The following FNIP2 variants were observed in gnomAD, a reference collection of about 807,000 sequenced individuals.
FNIP2 encodes the protein folliculin-interacting protein 2.
In FNIP2, 32 loss-of-function variants were observed where a neutral mutation model predicts 108.7. The observed-to-expected ratio is 0.29, with a 90% CI of 0.22 to 0.40. The LOEUF (loss-of-function observed/expected upper bound fraction) is 0.40, where lower values mean the gene tolerates loss of function less well. Among genes scored for constraint, FNIP2 ranks in the 10% least tolerant of loss-of-function variants. The pLI, the probability that FNIP2 is intolerant of heterozygous loss-of-function variation, is 1.00. For synonymous variants in FNIP2, 480 were observed against 496.7 expected, an observed-to-expected ratio of 0.97 and a Z score of 0.45; for missense variants, 1,202 against 1,381.6, an observed-to-expected ratio of 0.87 and a Z score of 2.06.
At chr4:158,777,347 G>A (rs1479226628) in intron 1 of FNIP2, among the ~76,000 whole-genome samples, 1 of 152,142 alleles carries the variant, frequency 6.6e-6, no homozygotes, top group Admixed American at 6.5e-5. Flanking sequence ...TGAACCCTGC[G>A]AAGACTATAT....
chr4:158,806,554 T>C, intron 1 of FNIP2: 1 of 537,444 alleles, frequency 1.9e-6, no homozygotes, highest in South Asian at 2.0e-5. Context: ...AGAAATGGGG[T>C]TATTGGTGGA....
chr4:158,861,719 C>G lies in FNIP2; in HGVS notation c.1408C>G (p.Gln470Glu), dbSNP rs1325246010. 2 of 1,614,050 alleles carry G rather than the reference C, an allele frequency of 1.2e-6. No individual in the cohort carries two copies. The highest frequency in any genetic ancestry group is 1.7e-6 in the Non-Finnish European group (2 of 1,179,906). Reference protein sequence around the residue: ...IKAFSEKRTSQSVNMLAKTHP... With the variant: ...IKAFSEKRTSESVNMLAKTHP... The stretch of plus-strand genomic sequence containing the variant: ...AGCCTTCTCAGAGAAACGTACCTCC[C>G]AGTCAGTGAACATGCTGGCCAAAAC... Residue 470 changes from glutamine to glutamate, a missense_variant, in exon 12 of 17, where the codon CAG becomes GAG. Gln to Glu is a conservative substitution (Grantham distance 29). Around this residue, in one of 5 missense-constraint regions of FNIP2, gnomAD observed 878 missense variants for 990.3 expected, o/e 0.89. Transcript: ENST00000264433.
At chr4:158,780,208 A>AG (rs1437201543) in intron 1 of FNIP2, among the ~76,000 whole-genome samples, 2 of 151,720 alleles carry the variant, frequency 1.3e-5, no homozygotes, top group Non-Finnish European at 2.9e-5. Context: ...ACCCTGTCTC[A>AG]GAAAAAAAAA....
At chr4:158,770,626 A>T (rs1432032938) in intron 1 of FNIP2, among the ~76,000 whole-genome samples, 1 of 152,114 alleles carries the variant, frequency 6.6e-6, no homozygotes, top group African/African-American at 2.4e-5. Flanking sequence ...TTAAATTCTC[A>T]TGTTTTCTTT....
intron 14 of FNIP2, among the ~76,000 whole-genome samples, chr4:158,879,181 G>A (rs576016910): frequency 6.7e-6 from 1 of 149,484 alleles, no homozygotes; most frequent in East Asian, 1.9e-4. Flanking sequence ...TGACTCCCAA[G>A]TAGGGAGAAT....
Position 158,785,395 on chromosome 4 carries a change from TA to T in FNIP2, c.107+16080del, listed in dbSNP as rs1276171433. Reference sequence around the variant, plus strand: ...CACCGCGCCTGGCCCCTCTCTTTTTTAAAACATAAATTTGTCTCCAAATTTG... The same window carrying T: ...CACCGCGCCTGGCCCCTCTCTTTTTTAAACATAAATTTGTCTCCAAATTTG... On this transcript the variant is annotated intron_variant, in intron 1 of 16. Coordinates refer to ENST00000264433, the MANE Select transcript of FNIP2 (RefSeq NM_020840.3). Among the ~76,000 whole-genome samples the T allele has an allele frequency of 2.0e-5, 3 of 152,290 alleles. No homozygotes were observed. In the East Asian group the frequency reaches 5.8e-4, roughly 29 times the overall value.
In FNIP2 at chr4:158,868,954, A is replaced by G; in HGVS notation, c.2318A>G (p.Gln773Arg). 1 of 1,613,914 alleles carries G rather than the reference A, an allele frequency of 6.2e-7. No individual in the cohort carries two copies. The highest frequency in any genetic ancestry group is 1.7e-5 in the Admixed American group (1 of 60,018). ...AGGAGCCCTTTTAAACCTGGCTTTCAGGAGAATGTTTGCTGTCCTCAGAAT... is the reference window on the plus strand; with the variant it reads ...AGGAGCCCTTTTAAACCTGGCTTTCGGGAGAATGTTTGCTGTCCTCAGAAT... Reference protein sequence around the residue: ...VSRSPFKPGFQENVCCPQNRL... With the variant: ...VSRSPFKPGFRENVCCPQNRL... Residue 773 changes from glutamine to arginine, a missense_variant, in exon 13 of 17, where the codon CAG becomes CGG. Physicochemically the swap from Gln to Arg is conservative, Grantham distance 43. This residue lies in a region of FNIP2 where 878 missense variants were observed against 990.3 expected (regional missense o/e 0.89). Transcript: ENST00000264433. This position sits in a 1 kb window ranked among gnomAD's most constrained non-coding sequence, Gnocchi z 4.6.
At chr4:158,846,932 C>A (rs1483827093) in intron 7 of FNIP2, among the ~76,000 whole-genome samples, 1 of 152,190 alleles carries the variant, frequency 6.6e-6, no homozygotes, top group African/African-American at 2.4e-5. Flanking sequence ...CCACCCCTCC[C>A]CAATCCCCTG....
intron 1 of FNIP2, among the ~76,000 whole-genome samples, chr4:158,770,181 A>AC (rs11435067): frequency 0.55 from 83,800 of 151,946 alleles, 24,078 homozygotes; most frequent in East Asian, 0.89. Context: ...AAGCAGTTTG[A>AC]CCACAGATTC....
chr4:158,817,589 C>A (rs919444989), intron 1 of FNIP2, among the ~76,000 whole-genome samples: 6 of 152,168 alleles, frequency 3.9e-5, no homozygotes, highest in African/African-American at 1.4e-4. Context: ...CTCTGTCGCC[C>A]AGGCTGGAGT....
chr4:158,883,103 AAC>A (rs1026165395), intron 14 of FNIP2, among the ~76,000 whole-genome samples: 2 of 152,054 alleles, frequency 1.3e-5, no homozygotes, highest in African/African-American at 4.8e-5. Flanking sequence ...AAATCAAGCT[AAC>A]ACACACAAAA....
intron 14 of FNIP2, among the ~76,000 whole-genome samples, chr4:158,873,340 A>T (rs1209462394): frequency 6.6e-6 from 1 of 152,002 alleles, no homozygotes; most frequent in Non-Finnish European, 1.5e-5. Flanking sequence ...TCTTATGTAA[A>T]TTAAATGTGG....
At chr4:158,788,727 T>G (rs1776305162) in intron 1 of FNIP2, among the ~76,000 whole-genome samples, 1 of 152,196 alleles carries the variant, frequency 6.6e-6, no homozygotes, top group African/African-American at 2.4e-5. Flanking sequence ...CACAAGGAAC[T>G]TGCAGGTTAA....
intron 8 of FNIP2, among the ~76,000 whole-genome samples, chr4:158,857,062 G>T (rs1344237565): frequency 1.3e-5 from 2 of 152,140 alleles, no homozygotes; most frequent in Non-Finnish European, 2.9e-5. Context: ...TCAGCAGGTG[G>T]CACTCTCTCC....
At chr4:158,901,808 G>A (rs920608546) in intron 16 of FNIP2, among the ~76,000 whole-genome samples, 2 of 151,586 alleles carry the variant, frequency 1.3e-5, no homozygotes, top group African/African-American at 2.4e-5. Context: ...GCTTCATGAA[G>A]TTCTCGTGCT....
In FNIP2 at chr4:158,865,184, G is replaced by A. The variant is rs1160984482; in HGVS notation, c.1466-2918G>A. Among the ~76,000 whole-genome samples the A allele has an allele frequency of 3.3e-5, 5 of 152,106 alleles. No homozygotes were observed. The East Asian group carries it at 7.7e-4, about 23-fold the overall frequency. On this transcript the variant is annotated intron_variant, in intron 12 of 16. Coordinates refer to ENST00000264433, the MANE Select transcript of FNIP2 (RefSeq NM_020840.3). ...TTTTTATTTTTAATTGAGGTAAAAA[G>A]CATATAACAACATTTATTATCTTAA...
chr4:158,803,423 A>G (rs1177827007), intron 1 of FNIP2, among the ~76,000 whole-genome samples: 1 of 146,542 alleles, frequency 6.8e-6, no homozygotes, highest in Admixed American at 6.8e-5. Context: ...GAGGGAGAGA[A>G]CAGACTCTTA....
At chr4:158,856,439 T>A (rs1779986719) in intron 8 of FNIP2, among the ~76,000 whole-genome samples, 1 of 152,226 alleles carries the variant, frequency 6.6e-6, no homozygotes, top group African/African-American at 2.4e-5. Flanking sequence ...ATATAAATGA[T>A]TATCGATAAG....
chr4:158,889,566 C>T (rs140480333), intron 14 of FNIP2, among the ~76,000 whole-genome samples: 2 of 152,166 alleles, frequency 1.3e-5, no homozygotes, highest in Admixed American at 1.3e-4. Context: ...TCCAAATTAC[C>T]TATTGCAAAT....
Sources: gnomAD v4.1 joint callset for allele counts (sites outside exome capture counted in the v4.1 genomes callset) on GRCh38, gnomAD v4.1.1 for gene constraint, gnomAD v4.1.1 regional missense constraint, Gnocchi (gnomAD v3.1) non-coding constraint, MANE v1.5 for transcripts, NCBI Gene and HGNC (gene_info 2026-07-23, HGNC 2026-07-21) for gene names.